The following OSBPL1A variants were observed in gnomAD, a reference collection of about 807,000 sequenced individuals.
OSBPL1A encodes oxysterol-binding protein-related protein 1.
OSBPL1A carries 80 observed loss-of-function variants against 137.1 expected under a neutral mutation model. The ratio of observed to expected loss-of-function variants is 0.58; its 90% CI spans 0.49 to 0.70. OSBPL1A has a LOEUF of 0.70. OSBPL1A is among the 30% of genes least tolerant of loss of function. The probability of loss-of-function intolerance (pLI) is 0.00; values close to 1 mark genes in which losing one functional copy is unlikely to be tolerated. For missense variants in OSBPL1A, 970 were observed against 1,129.4 expected, an observed-to-expected ratio of 0.86 and a Z score of 2.02; for synonymous variants, 365 against 389.7, an observed-to-expected ratio of 0.94 and a Z score of 0.75.
chr18:24,391,025 G>A (rs1451531589), intron 1 of OSBPL1A, among the ~76,000 whole-genome samples: 4 of 151,832 alleles, frequency 2.6e-5, no homozygotes, highest in East Asian at 1.9e-4. Context: ...GCTTGAGCCC[G>A]GGAGGCAGGG....
At chr18:24,173,420 T>A (rs2086344481) in intron 21 of OSBPL1A, among the ~76,000 whole-genome samples, 1 of 152,216 alleles carries the variant, frequency 6.6e-6, no homozygotes, top group Non-Finnish European at 1.5e-5. Flanking sequence ...ATTTTACTTT[T>A]TATTTTTTTT....
At chr18:24,221,225 C>T (rs1039113438) in intron 17 of OSBPL1A, among the ~76,000 whole-genome samples, 1 of 152,104 alleles carries the variant, frequency 6.6e-6, no homozygotes, top group Non-Finnish European at 1.5e-5. Context: ...CGTTTTCAGC[C>T]TCTTTGTTTA....
intron 4 of OSBPL1A, among the ~76,000 whole-genome samples, chr18:24,348,306 T>C (rs553886067): frequency 1.3e-5 from 2 of 151,312 alleles, no homozygotes; most frequent in African/African-American, 2.4e-5. Context: ...ATAATAATAC[T>C]CAATATTTAA....
intron 15 of OSBPL1A, chr18:24,272,002 TGCGGCGGGCGGCTCCCTGCGC>T (rs1390361537): frequency 3.1e-6 from 3 of 981,236 alleles, no homozygotes; most frequent in Non-Finnish European, 3.6e-6. Flanking sequence ...CGGCAAGGCC[TGCGGCGGGCGGCTCCCTGCGC>T]GCGGCGGGCA....
At chr18:24,317,294 A>G in intron 10 of OSBPL1A, 33 bp downstream of exon 10, 1 of 1,608,570 alleles carries the variant, frequency 6.2e-7, no homozygotes, top group African/African-American at 1.3e-5. Context: ...TTATACAGTG[A>G]AATTTGATAA....
chr18:24,380,130 A>G (rs1178151077), intron 1 of OSBPL1A, among the ~76,000 whole-genome samples: 1 of 152,222 alleles, frequency 6.6e-6, no homozygotes, highest in Non-Finnish European at 1.5e-5. Flanking sequence ...ATTATTTCCA[A>G]TCCCCAATTC....
At chr18:24,389,158 A>G (rs1369714749) in intron 1 of OSBPL1A, among the ~76,000 whole-genome samples, 1 of 152,236 alleles carries the variant, frequency 6.6e-6, no homozygotes, top group Non-Finnish European at 1.5e-5. Context: ...ATCAGCGCAC[A>G]TGGTATTTTT....
chr18:24,212,224 C>T (rs2087565419), intron 17 of OSBPL1A, among the ~76,000 whole-genome samples: 1 of 150,636 alleles, frequency 6.6e-6, no homozygotes, highest in Non-Finnish European at 1.5e-5. Context: ...CACACCACCA[C>T]ACCTGGCTAA....
chr18:24,209,647 T>A (rs1188267189), intron 17 of OSBPL1A, among the ~76,000 whole-genome samples: 1 of 152,096 alleles, frequency 6.6e-6, no homozygotes, highest in Admixed American at 6.6e-5. Context: ...TCAACAGGAG[T>A]ACAGATAAGC....
At chr18:24,283,600 A>G (rs1350461663) in intron 14 of OSBPL1A, among the ~76,000 whole-genome samples, 1 of 152,140 alleles carries the variant, frequency 6.6e-6, no homozygotes, top group East Asian at 1.9e-4. Context: ...TGACTTAAAT[A>G]GTGCCTGAAC....
chr18:24,376,338 G>T (rs184913471), intron 2 of OSBPL1A, among the ~76,000 whole-genome samples: 2 of 152,366 alleles, frequency 1.3e-5, no homozygotes, highest in East Asian at 1.9e-4. Context: ...CACCAGAGTA[G>T]CTAGATACAG....
intron 15 of OSBPL1A, among the ~76,000 whole-genome samples, chr18:24,263,363 C>A (rs2089486570): frequency 6.6e-6 from 1 of 152,162 alleles, no homozygotes; most frequent in South Asian, 2.1e-4. Context: ...TGAGGTTTGC[C>A]ACTGAACAAC....
chr18:24,354,853 A>G (rs1406448745), intron 4 of OSBPL1A, among the ~76,000 whole-genome samples: 3 of 151,162 alleles, frequency 2.0e-5, no homozygotes, highest in Admixed American at 6.6e-5. Context: ...GCTGAGTTCT[A>G]TTAACCGTTT....
intron 25 of OSBPL1A, 66 bp from the exon 26 acceptor site, chr18:24,166,768 A>G: frequency 6.6e-7 from 1 of 1,515,748 alleles, no homozygotes; most frequent in South Asian, 1.3e-5. Context: ...AACATCCTGA[A>G]AGTAGAAGAG....
intron 4 of OSBPL1A, among the ~76,000 whole-genome samples, chr18:24,352,205 G>C (rs1174646738): frequency 6.6e-6 from 1 of 152,090 alleles, no homozygotes; most frequent in Non-Finnish European, 1.5e-5. Context: ...GTGAGGCTGA[G>C]GTCAGAGGAT....
At chr18:24,254,878 G>C (rs1484377632) in intron 15 of OSBPL1A, among the ~76,000 whole-genome samples, 1 of 152,062 alleles carries the variant, frequency 6.6e-6, no homozygotes, top group African/African-American at 2.4e-5. Context: ...TGAAACTGAA[G>C]TGAGGAAAAT....
intron 15 of OSBPL1A, among the ~76,000 whole-genome samples, chr18:24,250,868 G>A (rs904533941): frequency 6.6e-6 from 1 of 152,182 alleles, no homozygotes; most frequent in Non-Finnish European, 1.5e-5. Flanking sequence ...GGCCACAGGG[G>A]AGCCCACTGC....
chr18:24,268,431 T>C (rs976978055), intron 15 of OSBPL1A, among the ~76,000 whole-genome samples: 4 of 152,150 alleles, frequency 2.6e-5, no homozygotes, highest in African/African-American at 9.7e-5. Flanking sequence ...TATATGAAGC[T>C]TCTAAAACTT....
chr18:24,173,279 G>GA (rs1455434029), intron 21 of OSBPL1A, among the ~76,000 whole-genome samples: 3 of 151,944 alleles, frequency 2.0e-5, no homozygotes, highest in Non-Finnish European at 2.9e-5. Flanking sequence ...GAGAGGATCA[G>GA]AAAAAATAAG....
Sources: gnomAD v4.1 joint callset for allele counts (sites outside exome capture counted in the v4.1 genomes callset) on GRCh38, gnomAD v4.1.1 for gene constraint, MANE v1.5 for transcripts, NCBI Gene and HGNC (gene_info 2026-07-23, HGNC 2026-07-21) for gene names.